Variants in ARHGAP22 observed in about 807,000 individuals in gnomAD.
ARHGAP22 encodes rho GTPase-activating protein 22.
ARHGAP22 carries 48 observed loss-of-function variants against 59.1 expected under a neutral mutation model. That is an observed-to-expected ratio of 0.81 (90% confidence interval 0.64 to 1.03). ARHGAP22 has a LOEUF of 1.03. Among genes scored for constraint, ARHGAP22 ranks in the 50% least tolerant of loss-of-function variants. ARHGAP22 has a pLI of 0.00. For missense variants in ARHGAP22, 1,015 were observed against 958.7 expected, an observed-to-expected ratio of 1.06 and a Z score of -0.78; for synonymous variants, 445 against 416.4, an observed-to-expected ratio of 1.07 and a Z score of -0.84.
chr10:48,435,038 G>GC, the ARHGAP22 span: 2 of 560,322 alleles, frequency 3.6e-6, no homozygotes, highest in Admixed American at 2.6e-5. Context: ...GACTACTTGG[G>GC]CCATCGGGGG....
intron 5 of ARHGAP22, among the ~76,000 whole-genome samples, chr10:48,455,464 A>T (rs2046401572): frequency 6.6e-6 from 1 of 152,220 alleles, no homozygotes; most frequent in Admixed American, 6.5e-5. Flanking sequence ...TAGACTGCGT[A>T]GGACTCCAGG....
At chr10:48,643,493 T>G (rs1401978527) in intron 1 of ARHGAP22, among the ~76,000 whole-genome samples, 7 of 151,600 alleles carry the variant, frequency 4.6e-5, no homozygotes, top group Non-Finnish European at 8.8e-5. Context: ...CTCAGCAAAC[T>G]ATTGCAAGCA....
intron 3 of ARHGAP22, among the ~76,000 whole-genome samples, chr10:48,507,607 C>T (rs1389752893): frequency 6.6e-6 from 1 of 152,082 alleles, no homozygotes; most frequent in Admixed American, 6.5e-5. Flanking sequence ...TCCCTCCTGC[C>T]CCACACCTCT....
intron 1 of ARHGAP22, among the ~76,000 whole-genome samples, chr10:48,646,635 C>G (rs1399597278): frequency 6.6e-6 from 1 of 152,128 alleles, no homozygotes; most frequent in Non-Finnish European, 1.5e-5. Context: ...ATAAGCGAAA[C>G]AGCAGCAGCA....
chr10:48,462,248 T>TGGG lies in ARHGAP22; in HGVS notation c.452-2360_452-2358dup, dbSNP rs35916329. Among the ~76,000 whole-genome samples the TGGG allele has an allele frequency of 2.1e-3, 113 of 54,642 alleles. 1 individual carries two copies. Among genetic ancestry groups the TGGG allele is most frequent in the African/African-American group, 7.0e-3 (110 of 15,762 alleles). The allele number at this position is 54,642 out of a possible 152,430, so 35.8% of individuals were successfully genotyped here. On this transcript the variant is annotated intron_variant, in intron 4 of 9. Coordinates refer to ENST00000249601, the MANE Select transcript of ARHGAP22 (RefSeq NM_021226.4). The stretch of plus-strand genomic sequence containing the variant: ...GTGCATGGGTATGCACACTTCGGGG[T>TGGG]GGGGGGGGGGCACCTGAGTGTGAGG...
chr10:48,495,679 G>T (rs1428763357), intron 3 of ARHGAP22, among the ~76,000 whole-genome samples: 1 of 152,234 alleles, frequency 6.6e-6, no homozygotes, highest in Non-Finnish European at 1.5e-5. Flanking sequence ...TACTCCTCGT[G>T]AAGGTGGGCA....
chr10:48,555,096 A>AT lies in ARHGAP22; in HGVS notation c.322+366dup, dbSNP rs1226993311. 3.3e-5 allele frequency among the ~76,000 whole-genome samples: 5 copies of AT among 152,328 alleles called. No homozygotes were observed. The South Asian group carries it at 1.0e-3, about 32-fold the overall frequency. On this transcript the variant is annotated intron_variant, in intron 3 of 9. Transcript: ENST00000249601. Reference sequence around the variant, plus strand: ...ATCCCAATTCTCTGCCTTGGAATTTATAATCATCCTTACCTAAATATTCTT... The same window carrying AT: ...ATCCCAATTCTCTGCCTTGGAATTTATTAATCATCCTTACCTAAATATTCTT...
At chr10:48,491,808 G>C (rs946170022) in intron 3 of ARHGAP22, among the ~76,000 whole-genome samples, 2 of 152,254 alleles carry the variant, frequency 1.3e-5, no homozygotes, top group Non-Finnish European at 2.9e-5. Context: ...ACTGAGCCCA[G>C]AAATGTTTAG....
intron 2 of ARHGAP22, among the ~76,000 whole-genome samples, chr10:48,568,424 C>A (rs139250323): frequency 5.3e-5 from 8 of 152,316 alleles, no homozygotes; most frequent in African/African-American, 1.9e-4. Flanking sequence ...CCCTGAAGTA[C>A]CTGGTGTTCC....
intron 3 of ARHGAP22, among the ~76,000 whole-genome samples, chr10:48,497,253 C>A (rs576110944): frequency 6.6e-6 from 1 of 152,320 alleles, no homozygotes; most frequent in African/African-American, 2.4e-5. Flanking sequence ...TGAAGGAGAG[C>A]AGGATCCTGA....
intron 3 of ARHGAP22, among the ~76,000 whole-genome samples, chr10:48,487,135 C>T (rs371469749): frequency 2.6e-5 from 4 of 152,278 alleles, no homozygotes; most frequent in East Asian, 1.9e-4. Context: ...ACTTCAAATA[C>T]GTGTTTCCAT....
intron 2 of ARHGAP22, among the ~76,000 whole-genome samples, chr10:48,569,509 C>T (rs2058267480): frequency 6.6e-6 from 1 of 152,186 alleles, no homozygotes; most frequent in African/African-American, 2.4e-5. Context: ...ATATGTTTCC[C>T]ATGCTGCTTC....
intron 3 of ARHGAP22, among the ~76,000 whole-genome samples, chr10:48,497,618 G>A (rs888320570): frequency 2.0e-5 from 3 of 152,142 alleles, no homozygotes; most frequent in Non-Finnish European, 4.4e-5. Flanking sequence ...GCCCCTCCAG[G>A]AAAACAGCTC....
At chr10:48,496,061 G>A (rs1324781864) in intron 3 of ARHGAP22, among the ~76,000 whole-genome samples, 1 of 152,176 alleles carries the variant, frequency 6.6e-6, no homozygotes. Flanking sequence ...GAGCCCCCAA[G>A]CTACAGGATG....
chr10:48,618,511 T>G (rs2061168719), intron 1 of ARHGAP22, among the ~76,000 whole-genome samples: 1 of 152,104 alleles, frequency 6.6e-6, no homozygotes, highest in African/African-American at 2.4e-5. Flanking sequence ...TCAAGTGGGA[T>G]TTATCTCAGG....
Position 48,479,409 on chromosome 10 carries a change from T to A in ARHGAP22, c.451+227A>T, listed in dbSNP as rs552711949. On this transcript the variant is annotated intron_variant, in intron 4 of 9. Coordinates refer to ENST00000249601, the MANE Select transcript of ARHGAP22 (RefSeq NM_021226.4). ...CACCCCTGGAATAGAATCCAGTACA[T>A]TTAGATGTCTAATACACAGTTTTCA... 1.2e-4 allele frequency among the ~76,000 whole-genome samples: 19 copies of A among 152,252 alleles called. No homozygotes were observed. The South Asian group carries it at 3.9e-3, about 32-fold the overall frequency.
At chr10:48,590,249 C>T (rs1044243352) in intron 1 of ARHGAP22, among the ~76,000 whole-genome samples, 3 of 151,668 alleles carry the variant, frequency 2.0e-5, no homozygotes, top group Admixed American at 6.6e-5. Flanking sequence ...CTTGCTAGAA[C>T]GGGAGGGACC....
intron 2 of ARHGAP22, among the ~76,000 whole-genome samples, chr10:48,566,379 G>A (rs1397365931): frequency 6.6e-6 from 1 of 152,094 alleles, no homozygotes; most frequent in African/African-American, 2.4e-5. Flanking sequence ...TGCCAAGGAG[G>A]GAAGCATCCT....
chr10:48,599,285 C>T (rs2060249252), intron 1 of ARHGAP22, among the ~76,000 whole-genome samples: 1 of 152,186 alleles, frequency 6.6e-6, no homozygotes, highest in Admixed American at 6.5e-5. Flanking sequence ...CCTGGGGCAC[C>T]TCTATCCAGG....
Sources: allele counts gnomAD v4.1 joint callset (sites outside exome capture counted in the v4.1 genomes callset), GRCh38; gene constraint gnomAD v4.1.1; transcripts MANE v1.5; gene names NCBI Gene and HGNC (gene_info 2026-07-23, HGNC 2026-07-21).